SPMIP2: variants seen among roughly 807,000 people sequenced by gnomAD.
SPMIP2 encodes protein SPMIP2.
chr4:159,050,408 G>A, the SPMIP2 span, among the ~76,000 whole-genome samples: 1 of 150,944 alleles, frequency 6.6e-6, no homozygotes, highest in African/African-American at 2.4e-5. Flanking sequence ...GGAGGGGGAA[G>A]AAAGGGGGAT....
chr4:159,074,950 A>G, the SPMIP2 span, among the ~76,000 whole-genome samples: 2 of 152,136 alleles, frequency 1.3e-5, no homozygotes, highest in Non-Finnish European at 2.9e-5. Flanking sequence ...GGTAAGAGCA[A>G]GGGCCTTACC....
At chr4:158,935,040 A>C in the SPMIP2 span, among the ~76,000 whole-genome samples, 1 of 152,238 alleles carries the variant, frequency 6.6e-6, no homozygotes, top group Non-Finnish European at 1.5e-5. Context: ...GCCTATTAGA[A>C]TTAAGCACAA....
At chr4:159,074,971 C>G in the SPMIP2 span, among the ~76,000 whole-genome samples, 1 of 152,174 alleles carries the variant, frequency 6.6e-6, no homozygotes, top group African/African-American at 2.4e-5. Context: ...AATCTGAAGT[C>G]TGGTCAAGGA....
chr4:158,965,608 C>T, the SPMIP2 span, among the ~76,000 whole-genome samples: 3 of 150,470 alleles, frequency 2.0e-5, no homozygotes, highest in African/African-American at 7.4e-5. Flanking sequence ...GTAAAACAAG[C>T]ACTGTGAACA....
At chr4:159,018,417 G>A in the SPMIP2 span, among the ~76,000 whole-genome samples, 2 of 152,152 alleles carry the variant, frequency 1.3e-5, no homozygotes, top group East Asian at 1.9e-4. Flanking sequence ...GACACAGTAC[G>A]AACCTGCCAC....
At chr4:159,056,399 G>T in the SPMIP2 span, among the ~76,000 whole-genome samples, 1 of 152,028 alleles carries the variant, frequency 6.6e-6, no homozygotes, top group South Asian at 2.1e-4. Context: ...AGTGTGGAAT[G>T]TCAGTGCATA....
the SPMIP2 span, among the ~76,000 whole-genome samples, chr4:159,025,839 G>A: frequency 6.6e-6 from 1 of 152,118 alleles, no homozygotes; most frequent in Admixed American, 6.5e-5. Context: ...GTTCAAAAGA[G>A]TTAAGGGGAA....
the SPMIP2 span, among the ~76,000 whole-genome samples, chr4:158,964,832 G>A: frequency 6.6e-6 from 1 of 152,194 alleles, no homozygotes; most frequent in Admixed American, 6.5e-5. Flanking sequence ...GGTGGCAGGT[G>A]AGAGAGAGCA....
chr4:159,025,257 T>C, the SPMIP2 span, among the ~76,000 whole-genome samples: 4 of 152,172 alleles, frequency 2.6e-5, no homozygotes, highest in African/African-American at 7.2e-5. Flanking sequence ...CTCTATCCCC[T>C]GGGTTCAAGC....
At chr4:159,046,426 C>T in the SPMIP2 span, among the ~76,000 whole-genome samples, 1 of 152,140 alleles carries the variant, frequency 6.6e-6, no homozygotes, top group Non-Finnish European at 1.5e-5. Flanking sequence ...AGGGCATGAA[C>T]AACAGGAGGT....
chr4:158,945,945 A>G, the SPMIP2 span, among the ~76,000 whole-genome samples: 1 of 152,286 alleles, frequency 6.6e-6, no homozygotes, highest in East Asian at 1.9e-4. Flanking sequence ...TGATTTCATC[A>G]CCACAAATCA....
chr4:159,058,508 T>G, the SPMIP2 span, among the ~76,000 whole-genome samples: 5 of 152,244 alleles, frequency 3.3e-5, no homozygotes, highest in African/African-American at 1.2e-4. Context: ...ATTTTTATAA[T>G]TGGTAAAACA....
chr4:158,945,043 C>T, the SPMIP2 span, among the ~76,000 whole-genome samples: 1 of 151,788 alleles, frequency 6.6e-6, no homozygotes, highest in Non-Finnish European at 1.5e-5. Context: ...TTGCCCCTGA[C>T]TATGTCACTG....
the SPMIP2 span, among the ~76,000 whole-genome samples, chr4:159,022,258 TACA>T: frequency 6.6e-4 from 101 of 152,344 alleles, no homozygotes; most frequent in Middle Eastern, 6.8e-3. Context: ...TTTGACGACT[TACA>T]TTCCTAATTA....
chr4:158,997,231 CTT>C, the SPMIP2 span, among the ~76,000 whole-genome samples: 12 of 135,868 alleles, frequency 8.8e-5, no homozygotes, highest in Admixed American at 2.3e-4. Flanking sequence ...GTGAATATGG[CTT>C]TTTTTTTTTT....
At chr4:159,055,002 C>T in the SPMIP2 span, among the ~76,000 whole-genome samples, 12 of 152,320 alleles carry the variant, frequency 7.9e-5, no homozygotes, top group South Asian at 2.3e-3. Context: ...GTCTGCATGA[C>T]TTATAACTAG....
chr4:159,051,373 A>G, the SPMIP2 span, among the ~76,000 whole-genome samples: 2 of 152,108 alleles, frequency 1.3e-5, no homozygotes, highest in African/African-American at 2.4e-5. Context: ...ATCTAATACC[A>G]CCAGACTGTA....
the SPMIP2 span, among the ~76,000 whole-genome samples, chr4:159,026,901 A>G: frequency 8.0e-5 from 12 of 150,410 alleles, no homozygotes; most frequent in African/African-American, 2.4e-4. Flanking sequence ...TTATGCATAT[A>G]TAAAACAAAA....
the SPMIP2 span, chr4:159,007,142 G>A: frequency 3.7e-5 from 27 of 720,456 alleles, no homozygotes; most frequent in Admixed American, 5.5e-5. Flanking sequence ...TGTGGGGTGC[G>A]CCTGAGACGG....
Sources: gnomAD v4.1 joint callset for allele counts (sites outside exome capture counted in the v4.1 genomes callset) on GRCh38, gnomAD v4.1.1 for gene constraint, MANE v1.5 for transcripts, NCBI Gene and HGNC (gene_info 2026-07-23, HGNC 2026-07-21) for gene names.